SHISA9: variants seen among roughly 807,000 people sequenced by gnomAD.
SHISA9 encodes protein shisa-9.
A neutral mutation model predicts 38.0 loss-of-function variants in SHISA9; 13 were observed. The observed-to-expected ratio is 0.34, with a 90% CI of 0.22 to 0.54. SHISA9 has a LOEUF of 0.54. SHISA9 is among the 20% of genes least tolerant of loss of function. SHISA9 has a pLI of 0.91. For synonymous variants in SHISA9, 275 were observed against 242.0 expected (o/e 1.14, Z -1.27); for missense variants, 538 against 575.8 (o/e 0.93, Z 0.67).
At chr16:12,916,854 G>C (rs539632752) in intron 2 of SHISA9, 39 bp downstream of exon 2, 1 of 1,545,552 alleles carries the variant, frequency 6.5e-7, no homozygotes, top group East Asian at 2.4e-5. Context: ...GTCCCATGGG[G>C]TGACCTGAGC....
chr16:13,436,045 T>C, the SHISA9 span, among the ~76,000 whole-genome samples: 1 of 152,184 alleles, frequency 6.6e-6, no homozygotes. Context: ...CTATCTGAAC[T>C]GGCTTGAACA....
At chr16:13,537,590 C>T in the SHISA9 span, among the ~76,000 whole-genome samples, 2 of 152,066 alleles carry the variant, frequency 1.3e-5, no homozygotes, top group African/African-American at 4.8e-5. Context: ...AAGAAAGATT[C>T]GTGGTTACCA....
At chr16:13,168,094 GT>G (rs1471218069) in intron 2 of SHISA9, among the ~76,000 whole-genome samples, 23 of 152,288 alleles carry the variant, frequency 1.5e-4, no homozygotes, top group African/African-American at 4.6e-4. Context: ...GGATTAGCCA[GT>G]TCCTGGAGAT....
the SHISA9 span, among the ~76,000 whole-genome samples, chr16:13,371,141 G>A: frequency 6.6e-6 from 1 of 152,156 alleles, no homozygotes; most frequent in Admixed American, 6.5e-5. Flanking sequence ...GAAAATGGAG[G>A]CAGTGTTAGG....
chr16:12,917,450 G>A (rs1365977650), intron 2 of SHISA9, among the ~76,000 whole-genome samples: 5 of 151,414 alleles, frequency 3.3e-5, no homozygotes, highest in African/African-American at 1.2e-4. Context: ...GTTCTGCCAG[G>A]GGAAAAAAAA....
At chr16:13,490,432 G>C in the SHISA9 span, among the ~76,000 whole-genome samples, 3 of 152,150 alleles carry the variant, frequency 2.0e-5, no homozygotes, top group Non-Finnish European at 4.4e-5. Flanking sequence ...AGGTGTGGTG[G>C]TGTGCACCTG....
chr16:13,004,642 C>G (rs2072572096), intron 2 of SHISA9, among the ~76,000 whole-genome samples: 1 of 151,852 alleles, frequency 6.6e-6, no homozygotes, highest in African/African-American at 2.4e-5. Context: ...GAAACAGGGT[C>G]TGCTAGGCGT....
intron 2 of SHISA9, among the ~76,000 whole-genome samples, chr16:12,971,444 T>C (rs1051647708): frequency 2.0e-5 from 3 of 152,194 alleles, no homozygotes; most frequent in African/African-American, 7.2e-5. Context: ...TGCCCAGTCT[T>C]GAATGGGAGA....
At chr16:13,543,598 C>T in the SHISA9 span, among the ~76,000 whole-genome samples, 1 of 152,170 alleles carries the variant, frequency 6.6e-6, no homozygotes. Context: ...ACTCCCCACA[C>T]TCCCAGTGCT....
chr16:13,176,347 G>A (rs2050731557), intron 2 of SHISA9, among the ~76,000 whole-genome samples: 2 of 152,096 alleles, frequency 1.3e-5, no homozygotes, highest in Non-Finnish European at 2.9e-5. Flanking sequence ...CACCTGCAGA[G>A]GTGCCCATTT....
chr16:13,498,585 C>T, the SHISA9 span, among the ~76,000 whole-genome samples: 2 of 152,036 alleles, frequency 1.3e-5, no homozygotes, highest in Admixed American at 6.5e-5. Context: ...GGTAAAACCC[C>T]ATCTCTACTA....
At chr16:12,943,561 A>G (rs1036390292) in intron 2 of SHISA9, among the ~76,000 whole-genome samples, 3 of 152,166 alleles carry the variant, frequency 2.0e-5, no homozygotes, top group African/African-American at 4.8e-5. Context: ...AAATGATAAG[A>G]TGTGTAAACT....
chr16:13,429,089 C>T, the SHISA9 span, among the ~76,000 whole-genome samples: 2 of 152,096 alleles, frequency 1.3e-5, no homozygotes, highest in South Asian at 2.1e-4. Context: ...GATCACTAGG[C>T]AGCTGGGTGG....
the SHISA9 span, among the ~76,000 whole-genome samples, chr16:13,433,611 G>C: frequency 1.4e-4 from 22 of 152,162 alleles, no homozygotes; most frequent in African/African-American, 5.3e-4. Context: ...TAAGATTCAT[G>C]TTCTCACCAC....
chr16:13,083,507 G>A (rs2073677094), intron 2 of SHISA9, among the ~76,000 whole-genome samples: 1 of 152,172 alleles, frequency 6.6e-6, no homozygotes, highest in South Asian at 2.1e-4. Context: ...GCAAGATTGT[G>A]CAGGGCAAGG....
At chr16:13,354,355 A>C in the SHISA9 span, among the ~76,000 whole-genome samples, 6,193 of 122,940 alleles carry the variant, frequency 0.05, 283 homozygotes, top group Admixed American at 0.074. Context: ...GGTGAGGAAC[A>C]GGAAAGAAGG....
chr16:13,111,715 C>G (rs2073980186), intron 2 of SHISA9, among the ~76,000 whole-genome samples: 1 of 152,214 alleles, frequency 6.6e-6, no homozygotes, highest in Non-Finnish European at 1.5e-5. Flanking sequence ...CAGGTAACCT[C>G]AAGCAATTCA....
intron 2 of SHISA9, among the ~76,000 whole-genome samples, chr16:12,949,626 T>A (rs1555502769): frequency 1.3e-5 from 2 of 152,236 alleles, no homozygotes; most frequent in African/African-American, 2.4e-5. Flanking sequence ...TTAATAATTT[T>A]AAAAAATTGC....
At chr16:13,338,036 A>C in the SHISA9 span, among the ~76,000 whole-genome samples, 1 of 152,206 alleles carries the variant, frequency 6.6e-6, no homozygotes, top group Non-Finnish European at 1.5e-5. Context: ...TGCCTAATAC[A>C]GCTTTCAAGT....
Sources: gnomAD v4.1 joint callset for allele counts (sites outside exome capture counted in the v4.1 genomes callset) on GRCh38, gnomAD v4.1.1 for gene constraint, MANE v1.5 for transcripts, NCBI Gene and HGNC (gene_info 2026-07-23, HGNC 2026-07-21) for gene names.